ATAD1: variants seen among roughly 807,000 people sequenced by gnomAD.
The protein encoded by ATAD1 is ATPase family AAA domain containing 1.
In ATAD1, 18 loss-of-function variants were observed where a neutral mutation model predicts 42.7. The observed-to-expected ratio is 0.42, with a 90% CI of 0.29 to 0.63. The LOEUF is 0.63. ATAD1 is among the 20% of genes least tolerant of loss of function. ATAD1 has a pLI of 0.19. For synonymous variants in ATAD1, 132 were observed against 143.1 expected, an observed-to-expected ratio of 0.92 and a Z score of 0.55; for missense variants, 294 against 440.4, an observed-to-expected ratio of 0.67 and a Z score of 2.98.
At chr10:87,813,728 T>C (rs951190361) in intron 2 of ATAD1, among the ~76,000 whole-genome samples, 2 of 152,010 alleles carry the variant, frequency 1.3e-5, no homozygotes, top group African/African-American at 4.8e-5. Flanking sequence ...TAAAAATCCA[T>C]GAATATCCTA....
chr10:87,784,936 C>T (rs1210759022), intron 4 of ATAD1, among the ~76,000 whole-genome samples: 2 of 152,182 alleles, frequency 1.3e-5, no homozygotes, highest in South Asian at 2.1e-4. Flanking sequence ...CTCACCTTGA[C>T]ATCCAAATTC....
intron 1 of ATAD1, among the ~76,000 whole-genome samples, chr10:87,838,726 C>G (rs1458175759): frequency 6.6e-6 from 1 of 151,408 alleles, no homozygotes; most frequent in African/African-American, 2.4e-5. Flanking sequence ...CACCAAAGAG[C>G]TCATTCATAT....
intron 1 of ATAD1, among the ~76,000 whole-genome samples, chr10:87,830,500 T>C (rs1232924109): frequency 2.0e-5 from 3 of 152,320 alleles, no homozygotes; most frequent in East Asian, 3.9e-4. Flanking sequence ...TTATGAATCA[T>C]GTTTTTTTCC....
intron 1 of ATAD1, 161 bp from the exon 2 acceptor site, chr10:87,814,773 T>C (rs1268097248): frequency 3.4e-5 from 16 of 476,388 alleles, no homozygotes; most frequent in African/African-American, 4.0e-5. Context: ...GAAATGGATT[T>C]TTAAATGTTA....
intron 1 of ATAD1, 75 bp from the exon 2 acceptor site, chr10:87,814,687 A>T: frequency 8.5e-7 from 1 of 1,169,830 alleles, no homozygotes; most frequent in Non-Finnish European, 1.1e-6. Context: ...AAAGTAGCTT[A>T]AACTAAGAAA....
chr10:87,759,597 A>G (rs1854387311), intron 8 of ATAD1, among the ~76,000 whole-genome samples: 2 of 152,214 alleles, frequency 1.3e-5, no homozygotes, highest in Admixed American at 6.5e-5. Flanking sequence ...CTTGTGCCTG[A>G]TAAGATGATA....
At chr10:87,797,894 T>C (rs1856475174) in intron 2 of ATAD1, among the ~76,000 whole-genome samples, 1 of 152,118 alleles carries the variant, frequency 6.6e-6, no homozygotes, top group Non-Finnish European at 1.5e-5. Flanking sequence ...TGAACTGTTG[T>C]TTTTGCAGGT....
intron 8 of ATAD1, among the ~76,000 whole-genome samples, chr10:87,760,921 A>G (rs1854452845): frequency 6.6e-6 from 1 of 152,228 alleles, no homozygotes; most frequent in Admixed American, 6.5e-5. Flanking sequence ...TTAAGCCAAA[A>G]TCACTACACT....
chr10:87,788,050 A>G (rs1477279434), intron 4 of ATAD1, among the ~76,000 whole-genome samples: 3 of 152,180 alleles, frequency 2.0e-5, no homozygotes, highest in Non-Finnish European at 4.4e-5. Flanking sequence ...TGAGGGAAAA[A>G]AATCACTTTT....
chr10:87,777,542 G>T (rs1482876924), intron 5 of ATAD1, among the ~76,000 whole-genome samples: 1 of 150,886 alleles, frequency 6.6e-6, no homozygotes, highest in Admixed American at 6.6e-5. Flanking sequence ...TAAAAAAAGG[G>T]GAAAACAATT....
intron 1 of ATAD1, among the ~76,000 whole-genome samples, chr10:87,826,118 C>T (rs951514685): frequency 6.6e-6 from 1 of 151,718 alleles, no homozygotes; most frequent in African/African-American, 2.4e-5. Context: ...CCCATCTTCC[C>T]CTTTTATTGT....
At chr10:87,787,902 T>C (rs1247736294) in intron 4 of ATAD1, among the ~76,000 whole-genome samples, 1 of 152,152 alleles carries the variant, frequency 6.6e-6, no homozygotes, top group Non-Finnish European at 1.5e-5. Flanking sequence ...CACCAAAACA[T>C]GAAGTATAAC....
rs372573756 is a variant in ATAD1, at chr10:87,767,824, A to C, written c.781-101T>G. 47 of 1,144,940 alleles carry C rather than the reference A, an allele frequency of 4.1e-5. No individual in the cohort carries two copies. In the East Asian group the frequency reaches 6.7e-4, roughly 16 times the overall value. The allele number at this position is 1,144,940 out of a possible 1,614,324, so 70.9% of individuals were successfully genotyped here. ...TTTGTCCCTTCTAAAGTCTCTCTCAATACTTATAAGGAGATGACAGAAACT... is the reference window on the plus strand; with the variant it reads ...TTTGTCCCTTCTAAAGTCTCTCTCACTACTTATAAGGAGATGACAGAAACT... On this transcript the variant is annotated intron_variant, in intron 7 of 9. Transcript: ENST00000680024.
chr10:87,818,232 G>A (rs1221627534), upstream of ATAD1: 1 of 985,524 alleles, frequency 1.0e-6, no homozygotes, highest in Non-Finnish European at 1.2e-6. Flanking sequence ...AACGCAACCT[G>A]GGAGAGAACG....
intron 6 of ATAD1, among the ~76,000 whole-genome samples, chr10:87,774,923 C>T (rs1855220988): frequency 6.6e-6 from 1 of 151,960 alleles, no homozygotes; most frequent in African/African-American, 2.4e-5. Flanking sequence ...CCACTGCATT[C>T]CAACCTGGGC....
At chr10:87,767,550 G>T in intron 8 of ATAD1, 123 bp downstream of exon 8, 1 of 908,990 alleles carries the variant, frequency 1.1e-6, no homozygotes, top group Non-Finnish European at 1.8e-6. Context: ...ACCAGTCTGT[G>T]GCTGCAGGGG....
chr10:87,811,334 A>AAAATAAATAAATAAATAAAT (rs71022509), intron 2 of ATAD1, among the ~76,000 whole-genome samples: 2,296 of 149,694 alleles, frequency 0.015, 23 homozygotes, highest in Non-Finnish European at 0.022. Context: ...CTCCAACTCA[A>AAAATAAATAAATAAATAAAT]AAATAAATAA....
At chr10:87,793,887 A>C (rs1327366567) in intron 2 of ATAD1, among the ~76,000 whole-genome samples, 1 of 152,104 alleles carries the variant, frequency 6.6e-6, no homozygotes, top group African/African-American at 2.4e-5. Flanking sequence ...ACAGCATTTT[A>C]GTTATAGAAT....
rs1305920949 is a variant in ATAD1, at chr10:87,752,262, A to C, written c.*2425T>G. On this transcript the variant is annotated 3_prime_UTR_variant, in exon 10 of 10. Transcript: ENST00000680024. The stretch of plus-strand genomic sequence containing the variant: ...CTTCCAGCAATGATGCTTTTAGAGA[A>C]ACATGGCATAAATGATCCTTTCAGT... The C allele has an allele frequency of 6.6e-6, 1 of 152,232 alleles. No homozygotes were observed. Among genetic ancestry groups the C allele is most frequent in the East Asian group, 1.9e-4 (1 of 5,202 alleles). The allele number at this position is 152,232 out of a possible 1,614,324, so 9.4% of individuals were successfully genotyped here.
Sources: gnomAD v4.1 joint callset for allele counts (sites outside exome capture counted in the v4.1 genomes callset) on GRCh38, gnomAD v4.1.1 for gene constraint, MANE v1.5 for transcripts, NCBI Gene and HGNC (gene_info 2026-07-23, HGNC 2026-07-21) for gene names.